MSI2: variants seen among roughly 807,000 people sequenced by gnomAD.
MSI2 encodes RNA-binding protein Musashi homolog 2.
A neutral mutation model predicts 45.6 loss-of-function variants in MSI2; 17 were observed. The ratio of observed to expected loss-of-function variants is 0.37; its 90% CI spans 0.26 to 0.56. The LOEUF is 0.56. MSI2 is among the 20% of genes least tolerant of loss of function. MSI2 has a pLI of 0.77. For missense variants in MSI2, 293 were observed against 444.2 expected (o/e 0.66, Z 3.06); for synonymous variants, 156 against 158.2 (o/e 0.99, Z 0.11).
At chr17:57,665,503 ACTC>A (rs1444035467) in intron 11 of MSI2, among the ~76,000 whole-genome samples, 3 of 151,978 alleles carry the variant, frequency 2.0e-5, no homozygotes, top group Non-Finnish European at 4.4e-5. Flanking sequence ...AATGGATTAA[ACTC>A]CTGTGCTTTT....
intron 6 of MSI2, among the ~76,000 whole-genome samples, chr17:57,525,545 C>G (rs2086679500): frequency 6.6e-6 from 1 of 152,154 alleles, no homozygotes; most frequent in Non-Finnish European, 1.5e-5. Context: ...ACCTCAGCCT[C>G]CTAAAGTGCT....
intron 10 of MSI2, among the ~76,000 whole-genome samples, chr17:57,649,414 C>G (rs1052190160): frequency 2.0e-5 from 3 of 150,716 alleles, no homozygotes; most frequent in Non-Finnish European, 4.4e-5. Context: ...CACATGTACA[C>G]AACACATTCA....
chr17:57,525,280 GCA>G (rs2086674189), intron 6 of MSI2, among the ~76,000 whole-genome samples: 3 of 151,164 alleles, frequency 2.0e-5, no homozygotes, highest in Non-Finnish European at 3.0e-5. Flanking sequence ...TTTGGGGGGG[GCA>G]GGTGGGGGAG....
In MSI2 at chr17:57,357,448, C is replaced by T. The variant is rs1207105019; in HGVS notation, c.313-43931C>T. Among the ~76,000 whole-genome samples, 10 of 152,234 alleles carry T rather than the reference C, an allele frequency of 6.6e-5. No homozygotes were observed. In the East Asian group the frequency reaches 9.7e-4, roughly 15 times the overall value. On this transcript the variant is annotated intron_variant, in intron 5 of 13. Coordinates refer to ENST00000284073, the MANE Select transcript of MSI2 (RefSeq NM_138962.4). The stretch of plus-strand genomic sequence containing the variant: ...TGGATCCAGCCACTTGAGCTTCATT[C>T]GGCAGCACACAGACACCTCCCCTCC...
intron 6 of MSI2, among the ~76,000 whole-genome samples, chr17:57,420,154 C>T (rs1439992877): frequency 3.3e-5 from 5 of 152,182 alleles, no homozygotes; most frequent in African/African-American, 4.8e-5. Flanking sequence ...AGTCAGGTTG[C>T]ACCTCTAGGG....
chr17:57,277,058 T>C (rs7217377), intron 5 of MSI2, among the ~76,000 whole-genome samples: 16,961 of 139,436 alleles, frequency 0.12, 1,042 homozygotes, highest in East Asian at 0.25. Flanking sequence ...CTTTTCTTTT[T>C]TTTTTTTTTT....
Position 57,346,867 on chromosome 17 carries a change from A to G in MSI2, c.313-54512A>G, listed in dbSNP as rs186365698. ...AGCAATCTGCCTGTCCCGGCCTCCC[A>G]AAGTGCTGGGATTACAAGTGTGAGC... On this transcript the variant is annotated intron_variant, in intron 5 of 13. Transcript: ENST00000284073. Among the ~76,000 whole-genome samples the G allele has an allele frequency of 5.3e-5, 8 of 152,292 alleles. No homozygotes were observed. The East Asian group carries it at 1.5e-3, about 29-fold the overall frequency.
At chr17:57,549,605 C>T (rs1404412177) in intron 7 of MSI2, among the ~76,000 whole-genome samples, 1 of 152,228 alleles carries the variant, frequency 6.6e-6, no homozygotes, top group Non-Finnish European at 1.5e-5. Flanking sequence ...ATTGTAGGCA[C>T]TGCTGAGGCT....
intron 6 of MSI2, among the ~76,000 whole-genome samples, chr17:57,479,062 A>G (rs1167165632): frequency 6.6e-6 from 1 of 152,094 alleles, no homozygotes; most frequent in Non-Finnish European, 1.5e-5. Flanking sequence ...CCAGGGGGAT[A>G]ACAGATAAGG....
At chr17:57,514,857 G>A (rs373701467) in intron 6 of MSI2, among the ~76,000 whole-genome samples, 12 of 151,922 alleles carry the variant, frequency 7.9e-5, no homozygotes, top group South Asian at 4.2e-4. Context: ...AAGGAATGCC[G>A]AGTCCTCAAG....
intron 7 of MSI2, among the ~76,000 whole-genome samples, chr17:57,549,961 C>A (rs1477451367): frequency 6.6e-6 from 1 of 152,148 alleles, no homozygotes; most frequent in Non-Finnish European, 1.5e-5. Context: ...GGACAGGCAT[C>A]CAAGCATTTG....
intron 5 of MSI2, among the ~76,000 whole-genome samples, chr17:57,283,377 C>A (rs930505170): frequency 6.6e-6 from 1 of 152,042 alleles, no homozygotes; most frequent in South Asian, 2.1e-4. Context: ...TATCGCTGAC[C>A]CATTAAAGAC....
chr17:57,349,269 C>T (rs549031458), intron 5 of MSI2, among the ~76,000 whole-genome samples: 4 of 152,062 alleles, frequency 2.6e-5, no homozygotes, highest in East Asian at 1.9e-4. Context: ...CCCAGCAGCC[C>T]GGGGATTTTC....
chr17:57,387,585 C>T (rs117945191), intron 5 of MSI2, among the ~76,000 whole-genome samples: 5,355 of 152,280 alleles, frequency 0.035, 119 homozygotes, highest in Non-Finnish European at 0.044. Context: ...GGTAGCATAT[C>T]ATTTTTGCTA....
chr17:57,529,226 A>G lies in MSI2; in HGVS notation c.406-450A>G, dbSNP rs773960533. ...TGCTGCAGGAGGATCACTTGAGCCC[A>G]GGAGTTCAAGACCAGTCTGAGCAAC... On this transcript the variant is annotated intron_variant, in intron 6 of 13. Coordinates refer to ENST00000284073, the MANE Select transcript of MSI2 (RefSeq NM_138962.4). The surrounding 1 kb of genome is among the most constrained non-coding windows in gnomAD (Gnocchi z 5.3). Among the ~76,000 whole-genome samples, 36 of 152,162 alleles carry G rather than the reference A, an allele frequency of 2.4e-4. No individual in the cohort carries two copies. The highest frequency in any genetic ancestry group is 1.2e-4 in the Non-Finnish European group (8 of 68,038).
At chr17:57,352,837 C>T (rs1350672409) in intron 5 of MSI2, among the ~76,000 whole-genome samples, 1 of 152,208 alleles carries the variant, frequency 6.6e-6, no homozygotes, top group Non-Finnish European at 1.5e-5. Flanking sequence ...GAGAAGGGCT[C>T]CTCCTAGCCT....
At chr17:57,609,312 C>T (rs1317119332) in intron 8 of MSI2, among the ~76,000 whole-genome samples, 2 of 152,194 alleles carry the variant, frequency 1.3e-5, no homozygotes, top group East Asian at 1.9e-4. Context: ...TGCAGGACCT[C>T]CTCTCCTCCT....
intron 6 of MSI2, among the ~76,000 whole-genome samples, chr17:57,496,669 C>T (rs1192843489): frequency 6.6e-6 from 1 of 152,202 alleles, no homozygotes; most frequent in Non-Finnish European, 1.5e-5. Flanking sequence ...GGCAGCCCTT[C>T]CCCATCCCTG....
chr17:57,415,311 C>T (rs1740981457), intron 6 of MSI2, among the ~76,000 whole-genome samples: 1 of 152,082 alleles, frequency 6.6e-6, no homozygotes, highest in African/African-American at 2.4e-5. Flanking sequence ...TTTGTGGGTA[C>T]ATTTTTGCCT....
Sources: allele counts gnomAD v4.1 joint callset (sites outside exome capture counted in the v4.1 genomes callset), GRCh38; gene constraint gnomAD v4.1.1; non-coding constraint Gnocchi (gnomAD v3.1); transcripts MANE v1.5; gene names NCBI Gene and HGNC (gene_info 2026-07-23, HGNC 2026-07-21).